DCAF10: variants seen among roughly 807,000 people sequenced by gnomAD.
DCAF10 encodes the protein DDB1 and CUL4 associated factor 10, also known as DDB1- and CUL4-associated factor 10.
A neutral mutation model predicts 51.9 loss-of-function variants in DCAF10; 19 were observed. The observed-to-expected ratio is 0.37, with a 90% CI of 0.26 to 0.54. The LOEUF is 0.54. DCAF10 is among the 20% of genes least tolerant of loss of function. DCAF10 has a pLI of 0.87. For missense variants in DCAF10, 510 were observed against 730.6 expected, an observed-to-expected ratio of 0.70 and a Z score of 3.48; for synonymous variants, 291 against 297.1, an observed-to-expected ratio of 0.98 and a Z score of 0.21.
At chr9:37,843,263 T>C (rs1163261741) in intron 3 of DCAF10, among the ~76,000 whole-genome samples, 2 of 152,124 alleles carry the variant, frequency 1.3e-5, no homozygotes, top group Admixed American at 1.3e-4. Flanking sequence ...GTGATCCTCC[T>C]GCCTTAGCTC....
intron 3 of DCAF10, among the ~76,000 whole-genome samples, chr9:37,850,833 TATATATATATA>T (rs1830618299): frequency 1.4e-4 from 1 of 7,400 alleles, no homozygotes; most frequent in African/African-American, 6.8e-4. Context: ...ATTTTATATA[TATATATATATA>T]TATATATATA....
In DCAF10 at chr9:37,865,414, T is replaced by C. The variant is rs955377101; in HGVS notation, c.*3906T>C. 1.3e-5 allele frequency: 2 copies of C among 152,300 alleles called. No homozygotes were observed. Among genetic ancestry groups the C allele is most frequent in the African/African-American group, 4.8e-5 (2 of 41,564 alleles). 9.4% of individuals were successfully genotyped at this position (152,300 alleles called of 1,614,324 possible). A position where few individuals can be genotyped will look rare whatever the true frequency, so the allele number is the denominator to read the frequency against. On this transcript the variant is annotated 3_prime_UTR_variant, in exon 7 of 7. Coordinates refer to ENST00000377724, the MANE Select transcript of DCAF10 (RefSeq NM_024345.5). ...AAAGGGCATTAGGAATGCTATAGTA[T>C]TGGAAGAAATTACATCTTAACATTT... is the stretch of plus-strand genomic sequence containing the variant.
chr9:37,856,878 G>A (rs1029110328), intron 4 of DCAF10, among the ~76,000 whole-genome samples: 1 of 152,088 alleles, frequency 6.6e-6, no homozygotes, highest in Admixed American at 6.6e-5. Context: ...TCTGGTAATG[G>A]GCCTGTTGTT....
Position 37,866,180 on chromosome 9 carries a change from A to C in DCAF10, c.*4672A>C, listed in dbSNP as rs1485838515. On this transcript the variant is annotated 3_prime_UTR_variant, in exon 7 of 7. Transcript: ENST00000377724. ...ATGAATTTTTGGATAGCTAATGTAT[A>C]TCTCTCAAGTGCCAACATTTAAAAC... 3 of 152,658 alleles carry C rather than the reference A, an allele frequency of 2.0e-5. No individual in the cohort carries two copies. The highest frequency in any genetic ancestry group is 4.4e-5 in the Non-Finnish European group (3 of 68,044). 9.5% of individuals were successfully genotyped at this position (152,658 alleles called of 1,614,324 possible). A position where few individuals can be genotyped will look rare whatever the true frequency, so the allele number is the denominator to read the frequency against.
At position 37,801,055 on chromosome 9, in the gene DCAF10, C is replaced by T; in HGVS notation, c.189C>T (p.Ser63=). The T allele has an allele frequency of 1.3e-6, 2 of 1,534,674 alleles. No homozygotes were observed. The highest frequency in any genetic ancestry group is 1.7e-6 in the Non-Finnish European group (2 of 1,149,270). ...GCCGCCCCGGCGCCCCATCGCTGTC[C>T]CCGGCCCCGCGCTCCGGAGAGCTAG... is the stretch of plus-strand genomic sequence containing the variant. ...SPRRPGAPSL[S]PAPRSGELGL... is the part of the protein sequence containing the mutation. The change falls in exon 1 of 7, where the codon TCC becomes TCT. Residue 63 remains serine, a synonymous_variant. Coordinates refer to ENST00000377724, the MANE Select transcript of DCAF10 (RefSeq NM_024345.5). This position sits in a 1 kb window ranked among gnomAD's most constrained non-coding sequence, Gnocchi z 5.5.
chr9:37,840,545 T>C (rs1044187328), intron 2 of DCAF10, among the ~76,000 whole-genome samples: 1 of 152,348 alleles, frequency 6.6e-6, no homozygotes, highest in African/African-American at 2.4e-5. Context: ...AATATTTTTG[T>C]ACAGTTGTAC....
chr9:37,835,835 C>A (rs1292866461), intron 2 of DCAF10, among the ~76,000 whole-genome samples: 1 of 152,214 alleles, frequency 6.6e-6, no homozygotes, highest in Admixed American at 6.5e-5. Flanking sequence ...TATAATGTGT[C>A]TGGTTCATCA....
chr9:37,821,663 T>G (rs963131676), intron 2 of DCAF10, among the ~76,000 whole-genome samples: 6 of 152,066 alleles, frequency 3.9e-5, no homozygotes, highest in Non-Finnish European at 8.8e-5. Flanking sequence ...ACCTAAGACC[T>G]GAAACTATAA....
rs997911679 is a variant in DCAF10 at position 37,864,790 on chromosome 9, A to T, written c.*3282A>T. ...CTCAAAATTCAGCCAATGATTCTTT[A>T]CTATAGAGTACCTATCATGTGTCAA... is the stretch of plus-strand genomic sequence containing the variant. On this transcript the variant is annotated 3_prime_UTR_variant, in exon 7 of 7. Coordinates refer to ENST00000377724, the MANE Select transcript of DCAF10 (RefSeq NM_024345.5). 2.6e-5 allele frequency: 4 copies of T among 152,190 alleles called. No individual in the cohort carries two copies. The highest frequency in any genetic ancestry group is 5.9e-5 in the Non-Finnish European group (4 of 68,030). 9.4% of individuals were successfully genotyped at this position (152,190 alleles called of 1,614,324 possible). A position where few individuals can be genotyped will look rare whatever the true frequency, so the allele number is the denominator to read the frequency against.
intron 2 of DCAF10, among the ~76,000 whole-genome samples, chr9:37,827,886 C>CTTATT (rs138049096): frequency 0.022 from 3,333 of 152,048 alleles, 125 homozygotes; most frequent in African/African-American, 0.076. Flanking sequence ...AGCTGAATAT[C>CTTATT]TTATTTTATT....
At chr9:37,840,651 A>G (rs1375845792) in intron 2 of DCAF10, among the ~76,000 whole-genome samples, 2 of 152,228 alleles carry the variant, frequency 1.3e-5, no homozygotes, top group Non-Finnish European at 2.9e-5. Flanking sequence ...TCGAAGGTTA[A>G]TTTATTACTG....
At chr9:37,818,078 C>T (rs983683437) in intron 1 of DCAF10, among the ~76,000 whole-genome samples, 4 of 151,922 alleles carry the variant, frequency 2.6e-5, no homozygotes, top group Non-Finnish European at 2.9e-5. Flanking sequence ...CTGCAACCTC[C>T]GCCTCCTGGG....
At position 37,842,129 on chromosome 9, in the gene DCAF10, A is replaced by G; in HGVS notation, c.694A>G (p.Thr232Ala). 1 of 1,613,844 alleles carries G rather than the reference A, an allele frequency of 6.2e-7. No homozygotes were observed. Among genetic ancestry groups the G allele is most frequent in the Non-Finnish European group, 8.5e-7 (1 of 1,179,918 alleles). ...NRLFATCSDD[T>A]TIALWDLRKL... ...GCTGTTTGCTACCTGCTCTGATGACACTACAATAGCACTATGGGATCTGAG... is the reference window on the plus strand; with the variant it reads ...GCTGTTTGCTACCTGCTCTGATGACGCTACAATAGCACTATGGGATCTGAG... The change falls in exon 3 of 7, where the codon ACT (threonine) becomes GCT (alanine). Residue 232 changes from threonine to alanine, a missense_variant. Coordinates refer to ENST00000377724, the MANE Select transcript of DCAF10 (RefSeq NM_024345.5).
chr9:37,817,383 T>TC (rs1330611929), intron 1 of DCAF10, among the ~76,000 whole-genome samples: 13 of 152,068 alleles, frequency 8.5e-5, no homozygotes, highest in African/African-American at 3.1e-4. Flanking sequence ...GGCAGGAGGA[T>TC]CACTTGAGGT....
At position 37,861,383 on chromosome 9, in the gene DCAF10, C is replaced by T. The variant is rs774687944; in HGVS notation, c.1555C>T (p.Arg519Trp). 73 of 1,614,060 alleles carry T rather than the reference C, an allele frequency of 4.5e-5. No homozygotes were observed. The highest frequency in any genetic ancestry group is 5.7e-5 in the Non-Finnish European group (67 of 1,180,044). ...DCLPKEASPL[R>W]VIRSLYSHND... ...CTTGCCCAAAGAAGCCAGTCCCCTGCGGGTGATCCGTTCTCTGTACTCTCA... is the reference window on the plus strand; with the variant it reads ...CTTGCCCAAAGAAGCCAGTCCCCTGTGGGTGATCCGTTCTCTGTACTCTCA... The change falls in exon 7 of 7, where the codon CGG becomes TGG. Residue 519 changes from arginine to tryptophan, a missense_variant. Physicochemically the swap from Arg to Trp is moderately radical, Grantham distance 101. Coordinates refer to ENST00000377724, the MANE Select transcript of DCAF10 (RefSeq NM_024345.5). This position sits in a 1 kb window ranked among gnomAD's most constrained non-coding sequence, Gnocchi z 4.9.
intron 4 of DCAF10, among the ~76,000 whole-genome samples, chr9:37,855,827 C>G (rs371068219): frequency 6.6e-6 from 1 of 151,836 alleles, no homozygotes; most frequent in African/African-American, 2.4e-5. Context: ...GTAGCCTGGG[C>G]AACATAGGAA....
Position 37,809,093 on chromosome 9 carries a change from GAA to G in DCAF10, c.539+7702_539+7703del, listed in dbSNP as rs60046914. 5.5e-3 allele frequency among the ~76,000 whole-genome samples: 539 copies of G among 97,898 alleles called. 6 individuals carry two copies. Among genetic ancestry groups the G allele is most frequent in the African/African-American group, 0.018 (517 of 28,444 alleles). 64.2% of individuals were successfully genotyped at this position (97,898 alleles called of 152,430 possible). ...TGACAGAATGAGACTCTGTCTCAAA[GAA>G]AAAAAAAAAAAAAGATAACTAGAAA... is the stretch of plus-strand genomic sequence containing the variant. On this transcript the variant is annotated intron_variant, in intron 1 of 6. Coordinates refer to ENST00000377724, the MANE Select transcript of DCAF10 (RefSeq NM_024345.5).
rs764132157 is a variant in DCAF10, at chr9:37,826,619, A to G, written c.653+7218A>G. 3.1e-4 allele frequency among the ~76,000 whole-genome samples: 47 copies of G among 152,274 alleles called. 1 individual carries two copies. Among genetic ancestry groups the G allele is most frequent in the Middle Eastern group, 6.8e-3 (2 of 294 alleles). ...GGAGCCAACTGAGTGCCCACCATCAATGAGAGAATGCACAGGTGAAATGTG... is the reference window on the plus strand; with the variant it reads ...GGAGCCAACTGAGTGCCCACCATCAGTGAGAGAATGCACAGGTGAAATGTG... On this transcript the variant is annotated intron_variant, in intron 2 of 6. Transcript: ENST00000377724.
Position 37,801,295 on chromosome 9 carries a change from C to A in DCAF10, c.429C>A (p.Asp143Glu). The change falls in exon 1 of 7, where the codon GAC (aspartate) becomes GAA (glutamate). Residue 143 changes from aspartate (D) to glutamate (E), a missense_variant. Asp to Glu is a conservative substitution (Grantham distance 45, BLOSUM62 2). Around this residue, in one of 4 missense-constraint regions of DCAF10, gnomAD observed 251 missense variants for 227.9 expected, o/e 1.10. Transcript: ENST00000377724. This position sits in a 1 kb window ranked among gnomAD's most constrained non-coding sequence, Gnocchi z 5.5. ...GGCTGTTCGTGGACCCGGCGCGGGACAATTTTCGCACCATGACTAGCCTCT... is the reference window on the plus strand; with the variant it reads ...GGCTGTTCGTGGACCCGGCGCGGGAAAATTTTCGCACCATGACTAGCCTCT... ...GRGLFVDPAR[D>E]NFRTMTSLYG... 6.3e-7 allele frequency: 1 copy of A among 1,597,534 alleles called. No individual in the cohort carries two copies. Among genetic ancestry groups the A allele is most frequent in the Non-Finnish European group, 8.5e-7 (1 of 1,174,602 alleles).
Sources: gnomAD v4.1 joint callset for allele counts (sites outside exome capture counted in the v4.1 genomes callset) on GRCh38, gnomAD v4.1.1 for gene constraint, gnomAD v4.1.1 regional missense constraint, Gnocchi (gnomAD v3.1) non-coding constraint, MANE v1.5 for transcripts, NCBI Gene and HGNC (gene_info 2026-07-23, HGNC 2026-07-21) for gene names.